The following COL15A1 variants were observed in gnomAD, a reference collection of about 807,000 sequenced individuals.
COL15A1 encodes the protein collagen alpha-1(XV) chain.
In COL15A1, 111 loss-of-function variants were observed where a neutral mutation model predicts 165.9. The observed-to-expected ratio is 0.67, with a 90% confidence interval of 0.57 to 0.78. The LOEUF (loss-of-function observed/expected upper bound fraction) is 0.78, where lower values mean the gene tolerates loss of function less well. Among genes scored for constraint, COL15A1 ranks in the 30% least tolerant of loss-of-function variants. The probability of loss-of-function intolerance (pLI) is 0.00; values close to 1 mark genes in which losing one functional copy is unlikely to be tolerated. For synonymous variants in COL15A1, 659 were observed against 674.8 expected (o/e 0.98, Z 0.36); for missense variants, 1,745 against 1,789.7 (o/e 0.98, Z 0.45).
In COL15A1 at chr9:99,015,466, T is replaced by A; in HGVS notation, c.1403T>A (p.Val468Glu). The change falls in exon 10 of 42, where the codon GTG (valine) becomes GAG (glutamate). Residue 468 changes from valine (V) to glutamate (E), a missense_variant. By Grantham distance (121) the Val-to-Glu change is moderately radical. Coordinates refer to ENST00000375001, the MANE Select transcript of COL15A1 (RefSeq NM_001855.5). ...ACAACAGCTGCAGCTGCAACCGAAG[T>A]GTCCCTCAGTACTTTTGAGGATGAG... The part of the protein sequence containing the change: ...SLTTAAAATE[V>E]SLSTFEDEEA... The A allele has an allele frequency of 6.2e-7, 1 of 1,607,382 alleles. No homozygotes were observed. Among genetic ancestry groups the A allele is most frequent in the African/African-American group, 1.3e-5 (1 of 74,912 alleles).
At chr9:98,989,066 G>A (rs1423218014) in intron 4 of COL15A1, 112 bp from the exon 5 acceptor site, 7 of 460,114 alleles carry the variant, frequency 1.5e-5, no homozygotes, top group Admixed American at 9.6e-5. Context: ...ACACACACAC[G>A]GTTTCCCTGT....
intron 16 of COL15A1, among the ~76,000 whole-genome samples, chr9:99,030,423 CT>C (rs2119034975): frequency 6.6e-6 from 1 of 152,308 alleles, no homozygotes; most frequent in East Asian, 1.9e-4. Flanking sequence ...GGAGCTCCTC[CT>C]TTTCACCCTG....
intron 5 of COL15A1, among the ~76,000 whole-genome samples, chr9:98,996,156 T>G (rs1394444398): frequency 6.6e-6 from 1 of 152,236 alleles, no homozygotes; most frequent in African/African-American, 2.4e-5. Context: ...CTCAAAAATC[T>G]TAGTGCCTTA....
chr9:98,999,509 TTTC>T (rs1010336482), intron 6 of COL15A1, among the ~76,000 whole-genome samples: 30 of 151,488 alleles, frequency 2.0e-4, no homozygotes, highest in South Asian at 4.2e-4. Flanking sequence ...ACAACTTCTT[TTTC>T]TTCTTCTTCT....
chr9:99,024,290 T>TTTTTTTTTTTG, intron 14 of COL15A1, among the ~76,000 whole-genome samples: 1 of 145,096 alleles, frequency 6.9e-6, no homozygotes, highest in African/African-American at 2.6e-5. Flanking sequence ...TTTTTGTTTT[T>TTTTTTTTTTTG]TTTTTTTTGA....
At chr9:99,064,148 A>C (rs1825859587) in intron 39 of COL15A1, among the ~76,000 whole-genome samples, 1 of 152,078 alleles carries the variant, frequency 6.6e-6, no homozygotes, top group Non-Finnish European at 1.5e-5. Context: ...GAGCTTGCAC[A>C]CAGCTTTGGG....
At position 99,023,475 on chromosome 9, in the gene COL15A1, G is replaced by C. The variant is rs1431701592; in HGVS notation, c.1854+26G>C. On this transcript the variant is annotated intron_variant, in intron 14 of 41. Transcript: ENST00000375001. ...GTGAGTGTGAAGGAGGACACGACCT[G>C]GTGTCTGGGACTGCCTTCAAAATAA... 2.8e-6 allele frequency: 3 copies of C among 1,059,602 alleles called. No individual in the cohort carries two copies. In the Admixed American group the frequency reaches 5.2e-5, roughly 18 times the overall value. 65.6% of individuals were successfully genotyped at this position (1,059,602 alleles called of 1,614,324 possible). A position where few individuals can be genotyped will look rare whatever the true frequency, so the allele number is the denominator to read the frequency against.
intron 29 of COL15A1, 22 bp from the exon 30 acceptor site, chr9:99,049,832 C>T: frequency 6.2e-6 from 10 of 1,614,246 alleles, no homozygotes; most frequent in Non-Finnish European, 8.5e-6. Context: ...GACCTCACCT[C>T]TCTTGTTCTC....
intron 11 of COL15A1, among the ~76,000 whole-genome samples, chr9:99,016,943 G>A (rs139817328): frequency 6.6e-6 from 1 of 152,328 alleles, no homozygotes; most frequent in African/African-American, 2.4e-5. Flanking sequence ...GATCAGGACA[G>A]CCCCCTGAGG....
At chr9:99,046,295 T>C (rs2119089570) in intron 26 of COL15A1, among the ~76,000 whole-genome samples, 1 of 152,314 alleles carries the variant, frequency 6.6e-6, no homozygotes, top group East Asian at 1.9e-4. Flanking sequence ...TGGTGTCCTG[T>C]TACACAAAGT....
At chr9:98,992,481 C>T (rs1161322240) in intron 5 of COL15A1, among the ~76,000 whole-genome samples, 2 of 152,224 alleles carry the variant, frequency 1.3e-5, no homozygotes, top group South Asian at 2.1e-4. Context: ...CCTGCCCACA[C>T]GTCTCTCTCC....
At chr9:99,034,621 T>TCCTCTCC in intron 17 of COL15A1, 37 bp downstream of exon 17, 2 of 1,329,790 alleles carry the variant, frequency 1.5e-6, no homozygotes, top group South Asian at 1.5e-5. Context: ...AAAAGAACTT[T>TCCTCTCC]CTTCTCCCTC....
Position 99,055,382 on chromosome 9 carries a change from G to T in COL15A1, c.3192+10G>T. The T allele has an allele frequency of 1.3e-6, 2 of 1,555,104 alleles. No homozygotes were observed. Among genetic ancestry groups the T allele is most frequent in the South Asian group, 2.2e-5 (2 of 89,868 alleles). ...AAATCCAGGCCCGGCTGTGAGTAGA[G>T]ACCCCTCCAAGTCATCTACCCCAAA... On this transcript the variant is annotated intron_variant, in intron 34 of 41. Coordinates refer to ENST00000375001, the MANE Select transcript of COL15A1 (RefSeq NM_001855.5).
intron 13 of COL15A1, among the ~76,000 whole-genome samples, chr9:99,022,579 A>T (rs1227344765): frequency 6.6e-6 from 1 of 151,956 alleles, no homozygotes; most frequent in Non-Finnish European, 1.5e-5. Context: ...CTCTTGGGCG[A>T]TGGCACCAGC....
chr9:99,015,097 C>T (rs1838906532), intron 9 of COL15A1, among the ~76,000 whole-genome samples: 1 of 151,926 alleles, frequency 6.6e-6, no homozygotes, highest in Non-Finnish European at 1.5e-5. Context: ...CTAAGTAGTT[C>T]CCAGCTTGAT....
chr9:98,999,509 TTTCTTC>T (rs1010336482), intron 6 of COL15A1, among the ~76,000 whole-genome samples: 1 of 151,378 alleles, frequency 6.6e-6, no homozygotes, highest in Non-Finnish European at 1.5e-5. Context: ...ACAACTTCTT[TTTCTTC>T]TTCTTCTTCT....
intron 4 of COL15A1, 47 bp from the exon 5 acceptor site, chr9:98,989,131 G>T (rs1242603636): frequency 1.4e-6 from 2 of 1,480,920 alleles, no homozygotes; most frequent in African/African-American, 2.8e-5. Flanking sequence ...ACTCTTATGG[G>T]CCCTGCCCGC....
chr9:99,065,829 C>CA (rs2118000499), intron 39 of COL15A1, among the ~76,000 whole-genome samples: 1 of 151,402 alleles, frequency 6.6e-6, no homozygotes, highest in East Asian at 2.0e-4. Context: ...TCTGGACACT[C>CA]ACTGTAGCTC....
At position 98,997,062 on chromosome 9, in the gene COL15A1, G is replaced by A. The variant is rs759882793; in HGVS notation, c.933G>A (p.Gln311=). The A allele has an allele frequency of 1.4e-5, 23 of 1,614,062 alleles. No individual in the cohort carries two copies. Among genetic ancestry groups the A allele is most frequent in the Admixed American group, 1.7e-5 (1 of 60,004 alleles). Residue 311 remains glutamine, a synonymous_variant, in exon 6 of 42, where the codon CAG becomes CAA. Transcript: ENST00000375001. ...AAACCACCAACATGAGCATCATCCA[G>A]CACAGCAGCCCCAAACAAGGCAAGT... ...TLETTNMSII[Q]HSSPKQGSGE...
Sources: allele counts gnomAD v4.1 joint callset (sites outside exome capture counted in the v4.1 genomes callset), GRCh38; gene constraint gnomAD v4.1.1; transcripts MANE v1.5; gene names NCBI Gene and HGNC (gene_info 2026-07-23, HGNC 2026-07-21).